The following LRBA variants were observed in gnomAD, a reference collection of about 807,000 sequenced individuals.
LRBA encodes the protein LPS responsive beige-like anchor protein, also known as lipopolysaccharide-responsive and beige-like anchor protein.
Under a neutral mutation model 330.0 loss-of-function variants are expected in LRBA, and 176 were observed. That is an observed-to-expected ratio of 0.53 (90% CI 0.47 to 0.60). The LOEUF (loss-of-function observed/expected upper bound fraction) is 0.60, where lower values mean the gene tolerates loss of function less well. Ranked by LOEUF, LRBA falls within the 20% of genes least tolerant of loss-of-function variation. The pLI is 0.00. For missense variants in LRBA, 3,259 were observed against 3,444.8 expected (o/e 0.95, Z 1.35); for synonymous variants, 1,230 against 1,193.0 (o/e 1.03, Z -0.64).
rs1023636683 is a variant in LRBA at position 150,735,489 on chromosome 4, G to C, written c.5646-123C>G. ...CTTCTTTTGACATCATACACAATGA[G>C]GTACCATTATTTCATGCTAAATAAT... On this transcript the variant is annotated intron_variant, in intron 35 of 56. Coordinates refer to ENST00000651943, the MANE Select transcript of LRBA (RefSeq NM_001364905.1). 5 of 687,040 alleles carry C rather than the reference G, an allele frequency of 7.3e-6. No homozygotes were observed. In the Admixed American group the frequency reaches 8.8e-5, roughly 12 times the overall value. 42.6% of individuals were successfully genotyped at this position (687,040 alleles called of 1,614,324 possible).
intron 30 of LRBA, among the ~76,000 whole-genome samples, chr4:150,827,629 C>A (rs990450557): frequency 6.9e-6 from 1 of 144,672 alleles, no homozygotes; most frequent in Non-Finnish European, 1.5e-5. Flanking sequence ...GACAGAGTTT[C>A]GCTCTTCTTG....
At chr4:150,914,098 T>C in intron 9 of LRBA, 97 bp downstream of exon 9, 1 of 943,524 alleles carries the variant, frequency 1.1e-6, no homozygotes, top group East Asian at 2.6e-5. Context: ...TTTTTCTTTT[T>C]TTTTTTTGTA....
intron 37 of LRBA, among the ~76,000 whole-genome samples, chr4:150,654,061 T>C (rs1444144574): frequency 6.6e-6 from 1 of 152,198 alleles, no homozygotes; most frequent in Non-Finnish European, 1.5e-5. Context: ...TAGTATATAA[T>C]AGCAAATTAA....
intron 47 of LRBA, among the ~76,000 whole-genome samples, chr4:150,394,188 ATATC>A (rs140124784): frequency 0.15 from 22,777 of 152,120 alleles, 1,708 homozygotes; most frequent in Non-Finnish European, 0.17. Context: ...CCTGTATTAA[ATATC>A]TATTATCTAT....
chr4:151,007,085 T>A (rs942267357), intron 2 of LRBA, among the ~76,000 whole-genome samples: 1 of 152,244 alleles, frequency 6.6e-6, no homozygotes, highest in East Asian at 1.9e-4. Context: ...TGGTACTGGT[T>A]TAAGAATAGA....
intron 2 of LRBA, chr4:151,013,739 T>C (rs908248668): frequency 1.9e-4 from 28 of 147,502 alleles, no homozygotes; most frequent in African/African-American, 7.1e-4. Context: ...CTCATCTTAG[T>C]ATAATCAGCA....
At chr4:150,662,243 TA>T (rs1455816636) in intron 37 of LRBA, among the ~76,000 whole-genome samples, 1 of 152,232 alleles carries the variant, frequency 6.6e-6, no homozygotes, top group African/African-American at 2.4e-5. Flanking sequence ...ATTATAAAAT[TA>T]AACTTTTTAG....
At chr4:150,697,454 G>C (rs550477067) in intron 36 of LRBA, among the ~76,000 whole-genome samples, 1 of 148,924 alleles carries the variant, frequency 6.7e-6, no homozygotes, top group African/African-American at 2.5e-5. Flanking sequence ...CAAAAACTAA[G>C]AGAACAAGCT....
At chr4:150,360,599 T>C (rs1196314828) in intron 47 of LRBA, among the ~76,000 whole-genome samples, 1 of 152,210 alleles carries the variant, frequency 6.6e-6, no homozygotes, top group East Asian at 1.9e-4. Flanking sequence ...CAAGACAGAA[T>C]GCAGGAGTTA....
At chr4:150,534,243 A>G (rs938948582) in intron 40 of LRBA, among the ~76,000 whole-genome samples, 1 of 150,920 alleles carries the variant, frequency 6.6e-6, no homozygotes, top group African/African-American at 2.4e-5. Flanking sequence ...ACAGTAGTAT[A>G]CCAAATGTAT....
At chr4:150,316,112 C>T (rs1481485506) in intron 50 of LRBA, among the ~76,000 whole-genome samples, 1 of 152,070 alleles carries the variant, frequency 6.6e-6, no homozygotes, top group African/African-American at 2.4e-5. Context: ...TAAAATCAAT[C>T]AATTGAAAGT....
In LRBA at chr4:150,906,454, T is replaced by A. The variant is rs569155947; in HGVS notation, c.1494-49A>T. On this transcript the variant is annotated intron_variant, in intron 11 of 56. Coordinates refer to ENST00000651943, the MANE Select transcript of LRBA (RefSeq NM_001364905.1). ...GATTAAAAAAACATATTCTATTTTT[T>A]TTAAATTAGGTTAGATAGATGTAAC... The A allele has an allele frequency of 5.7e-5, 61 of 1,077,828 alleles. 1 individual carries two copies. Among genetic ancestry groups the A allele is most frequent in the Middle Eastern group, 4.1e-4 (2 of 4,878 alleles). The allele number at this position is 1,077,828 out of a possible 1,614,324, so 66.8% of individuals were successfully genotyped here. A position where few individuals can be genotyped will look rare whatever the true frequency, so the allele number is the denominator to read the frequency against.
At chr4:150,347,096 T>C (rs927245080) in intron 48 of LRBA, among the ~76,000 whole-genome samples, 3 of 152,230 alleles carry the variant, frequency 2.0e-5, no homozygotes, top group African/African-American at 7.2e-5. Flanking sequence ...GATATTACGC[T>C]AAGTAAAATA....
At chr4:150,453,685 T>C (rs1753666177) in intron 44 of LRBA, among the ~76,000 whole-genome samples, 1 of 152,136 alleles carries the variant, frequency 6.6e-6, no homozygotes, top group African/African-American at 2.4e-5. Flanking sequence ...CTCTAATATA[T>C]ATACACGTAC....
intron 35 of LRBA, among the ~76,000 whole-genome samples, chr4:150,741,296 T>C (rs1731936634): frequency 6.6e-6 from 1 of 152,094 alleles, no homozygotes; most frequent in African/African-American, 2.4e-5. Flanking sequence ...TTAAATATAT[T>C]AAAAAGCCTC....
At chr4:150,758,840 G>GCCT (rs1734684329) in intron 35 of LRBA, among the ~76,000 whole-genome samples, 1 of 151,610 alleles carries the variant, frequency 6.6e-6, no homozygotes, top group African/African-American at 2.4e-5. Context: ...CTCTCAAAGT[G>GCCT]CTGGAATTAC....
intron 53 of LRBA, among the ~76,000 whole-genome samples, chr4:150,298,970 TAA>T (rs1729312191): frequency 6.6e-6 from 1 of 152,084 alleles, no homozygotes; most frequent in Non-Finnish European, 1.5e-5. Flanking sequence ...TTTATGAATA[TAA>T]AAGTGAATAA....
chr4:151,005,919 G>C (rs1018771861), intron 2 of LRBA, among the ~76,000 whole-genome samples: 1 of 151,880 alleles, frequency 6.6e-6, no homozygotes, highest in African/African-American at 2.4e-5. Flanking sequence ...GTTCTCTTAA[G>C]GGTAAAACAG....
intron 36 of LRBA, among the ~76,000 whole-genome samples, chr4:150,709,312 C>T (rs1024887047): frequency 1.3e-5 from 2 of 151,886 alleles, no homozygotes; most frequent in African/African-American, 2.4e-5. Flanking sequence ...AACAATGCGC[C>T]TTGAAATTTT....
Sources: allele counts gnomAD v4.1 joint callset (sites outside exome capture counted in the v4.1 genomes callset), GRCh38; gene constraint gnomAD v4.1.1; transcripts MANE v1.5; gene names NCBI Gene and HGNC (gene_info 2026-07-23, HGNC 2026-07-21).